Variants in RNF170 observed in about 807,000 individuals in gnomAD.
RNF170 encodes the protein ring finger protein 170.
Under a neutral mutation model 32.7 loss-of-function variants are expected in RNF170, and 12 were observed. The observed-to-expected ratio is 0.37, with a 90% CI of 0.24 to 0.60. RNF170 has a LOEUF of 0.60. Among genes scored for constraint, RNF170 ranks in the 20% least tolerant of loss-of-function variants. The probability of loss-of-function intolerance (pLI) is 0.72; values close to 1 mark genes in which losing one functional copy is unlikely to be tolerated. For synonymous variants in RNF170, 91 were observed against 103.6 expected (o/e 0.88, Z 0.74); for missense variants, 212 against 311.2 (o/e 0.68, Z 2.40).
intron 4 of RNF170, among the ~76,000 whole-genome samples, chr8:42,865,904 G>A (rs1804047136): frequency 6.6e-6 from 1 of 151,958 alleles, no homozygotes; most frequent in African/African-American, 2.4e-5. Flanking sequence ...AAAATCACTT[G>A]AACCCGGGAG....
intron 2 of RNF170, among the ~76,000 whole-genome samples, chr8:42,883,556 G>T (rs1247053233): frequency 8.6e-6 from 1 of 116,366 alleles, no homozygotes; most frequent in South Asian, 3.4e-4. Context: ...GTGACAGAGT[G>T]AGACTCTGTC....
chr8:42,857,791 T>C (rs1337256317), intron 6 of RNF170, among the ~76,000 whole-genome samples: 1 of 152,204 alleles, frequency 6.6e-6, no homozygotes, highest in African/African-American at 2.4e-5. Flanking sequence ...CCCAGCACTT[T>C]GGGAGGCCAA....
chr8:42,854,703 A>G lies in RNF170; in HGVS notation c.*1456T>C. 1 of 1,287,420 alleles carries G rather than the reference A, an allele frequency of 7.8e-7. No individual in the cohort carries two copies. Among genetic ancestry groups the G allele is most frequent in the South Asian group, 1.2e-5 (1 of 80,938 alleles). The allele number at this position is 1,287,420 out of a possible 1,614,324, so 79.7% of individuals were successfully genotyped here. On this transcript the variant is annotated 3_prime_UTR_variant, in exon 7 of 7. Coordinates refer to ENST00000527424, the MANE Select transcript of RNF170 (RefSeq NM_030954.4). ...TATAGTGAAGCTCACTAATAAATTA[A>G]TGGATGATATTAATAGCAGTGATCT... is the stretch of plus-strand genomic sequence containing the variant.
chr8:42,873,681 TAATA>T (rs1563262714), intron 3 of RNF170, among the ~76,000 whole-genome samples: 1 of 152,200 alleles, frequency 6.6e-6, no homozygotes, highest in African/African-American at 2.4e-5. Context: ...ATTTCTACAC[TAATA>T]AATAATAGGA....
chr8:42,892,447 G>C (rs1806379517), intron 1 of RNF170, among the ~76,000 whole-genome samples: 1 of 152,180 alleles, frequency 6.6e-6, no homozygotes, highest in African/African-American at 2.4e-5. Flanking sequence ...TTATAGGCGT[G>C]AGGTAGCACG....
In RNF170 at chr8:42,889,223, G is replaced by A. The variant is rs890884109; in HGVS notation, c.-7-1352C>T. ...GCTTGGAATATAGAATCACTCTGAT[G>A]CTGCATTTCCTTATGAAGAGAAAAG... On this transcript the variant is annotated intron_variant, in intron 1 of 6. Coordinates refer to ENST00000527424, the MANE Select transcript of RNF170 (RefSeq NM_030954.4). 5.3e-5 allele frequency: 8 copies of A among 152,172 alleles called. No individual in the cohort carries two copies. The East Asian group carries it at 1.2e-3, about 22-fold the overall frequency. The allele number at this position is 152,172 out of a possible 1,614,324, so 9.4% of individuals were successfully genotyped here. A position where few individuals can be genotyped will look rare whatever the true frequency, so the allele number is the denominator to read the frequency against.
At chr8:42,875,946 G>A (rs1804894615) in intron 2 of RNF170, among the ~76,000 whole-genome samples, 1 of 152,170 alleles carries the variant, frequency 6.6e-6, no homozygotes, top group Non-Finnish European at 1.5e-5. Context: ...CAGATGATCT[G>A]TGAAAGAAAG....
chr8:42,870,147 A>ATGTGTG, intron 3 of RNF170, 35 bp from the exon 4 acceptor site: 1 of 1,428,280 alleles, frequency 7.0e-7, no homozygotes, highest in Non-Finnish European at 9.9e-7. Flanking sequence ...TTGGAACACA[A>ATGTGTG]CACATGTGGC....
At chr8:42,888,786 CCAAAAA>C (rs1479143657) in intron 1 of RNF170, among the ~76,000 whole-genome samples, 1 of 141,898 alleles carries the variant, frequency 7.0e-6, no homozygotes, top group East Asian at 2.1e-4. Flanking sequence ...CACCCCCCAA[CCAAAAA>C]CAATAAATAA....
chr8:42,892,674 GTT>G (rs559187435), intron 1 of RNF170, among the ~76,000 whole-genome samples: 46 of 130,770 alleles, frequency 3.5e-4, no homozygotes, highest in Middle Eastern at 4.1e-3. Context: ...CTGTTGCAGC[GTT>G]TTTTTTTTTT....
intron 1 of RNF170, among the ~76,000 whole-genome samples, chr8:42,895,899 G>GA (rs1806779512): frequency 6.6e-6 from 1 of 152,236 alleles, no homozygotes; most frequent in African/African-American, 2.4e-5. Context: ...GCATGGGTGA[G>GA]AAACTCCTGG....
chr8:42,887,666 TA>T, intron 2 of RNF170, 61 bp downstream of exon 2: 1 of 1,444,380 alleles, frequency 6.9e-7, no homozygotes, highest in Non-Finnish European at 9.7e-7. Flanking sequence ...TATACATTAT[TA>T]GGGGTCAAAA....
At chr8:42,885,065 C>T (rs1323954386) in intron 2 of RNF170, among the ~76,000 whole-genome samples, 1 of 151,018 alleles carries the variant, frequency 6.6e-6, no homozygotes, top group Non-Finnish European at 1.5e-5. Context: ...TTTCCATCGC[C>T]TGAGAGCCAC....
chr8:42,861,722 G>C, intron 6 of RNF170, 23 bp downstream of exon 6: 1 of 1,527,502 alleles, frequency 6.5e-7, no homozygotes, highest in African/African-American at 1.4e-5. Context: ...CTCTAACTTT[G>C]AACATGCTTT....
intron 2 of RNF170, among the ~76,000 whole-genome samples, chr8:42,881,915 A>G (rs1157336271): frequency 6.6e-6 from 1 of 151,384 alleles, no homozygotes; most frequent in African/African-American, 2.5e-5. Context: ...AGCCTGGGCA[A>G]CAGAGTAAGA....
In RNF170 at chr8:42,871,850, C is replaced by T. The variant is rs187237296; in HGVS notation, c.214-1738G>A. Among the ~76,000 whole-genome samples the T allele has an allele frequency of 7.9e-5, 12 of 152,314 alleles. No individual in the cohort carries two copies. The East Asian group carries it at 2.3e-3, about 29-fold the overall frequency. On this transcript the variant is annotated intron_variant, in intron 3 of 6. Coordinates refer to ENST00000527424, the MANE Select transcript of RNF170 (RefSeq NM_030954.4). The stretch of plus-strand genomic sequence containing the variant: ...CTGGGATTACAGGCGTGAGCCACTG[C>T]ACCCAGCCTTCTCCTTATTAATTTT...
In RNF170 at chr8:42,855,628, T is replaced by G; in HGVS notation, c.*531A>C. On this transcript the variant is annotated 3_prime_UTR_variant, in exon 7 of 7. Coordinates refer to ENST00000527424, the MANE Select transcript of RNF170 (RefSeq NM_030954.4). The stretch of plus-strand genomic sequence containing the variant: ...TTTCAGCTGATAGCAAATAATTAAT[T>G]ATACCAGAATGAAAAGGCAGAACTG... 1 of 1,283,104 alleles carries G rather than the reference T, an allele frequency of 7.8e-7. No individual in the cohort carries two copies. The highest frequency in any genetic ancestry group is 1.2e-5 in the South Asian group (1 of 80,818). The allele number at this position is 1,283,104 out of a possible 1,614,324, so 79.5% of individuals were successfully genotyped here.
chr8:42,850,289 G>A (rs1802908370), downstream of RNF170: 1 of 179,078 alleles, frequency 5.6e-6, no homozygotes, highest in Admixed American at 5.4e-5. Flanking sequence ...TTTACTCTGT[G>A]GGAAAGGGAG....
intron 2 of RNF170, among the ~76,000 whole-genome samples, chr8:42,887,259 T>C (rs1805899810): frequency 6.6e-6 from 1 of 152,028 alleles, no homozygotes; most frequent in Non-Finnish European, 1.5e-5. Context: ...GCCATGGCAC[T>C]CCAGCCTGGA....
Sources: gnomAD v4.1 joint callset for allele counts (sites outside exome capture counted in the v4.1 genomes callset) on GRCh38, gnomAD v4.1.1 for gene constraint, MANE v1.5 for transcripts, NCBI Gene and HGNC (gene_info 2026-07-23, HGNC 2026-07-21) for gene names.